Variants in SHISA9 observed in about 807,000 individuals in gnomAD.
The protein encoded by SHISA9 is protein shisa-9.
In SHISA9, 13 loss-of-function variants were observed where a neutral mutation model predicts 38.0. The observed-to-expected ratio is 0.34, with a 90% CI of 0.22 to 0.54. The LOEUF (loss-of-function observed/expected upper bound fraction) is 0.54, where lower values mean the gene tolerates loss of function less well. Among genes scored for constraint, SHISA9 ranks in the 20% least tolerant of loss-of-function variants. The pLI, the probability that SHISA9 is intolerant of heterozygous loss-of-function variation, is 0.91. For synonymous variants in SHISA9, 275 were observed against 242.0 expected (o/e 1.14, Z -1.27); for missense variants, 538 against 575.8 (o/e 0.93, Z 0.67).
At chr16:13,059,325 C>A (rs1166462180) in intron 2 of SHISA9, among the ~76,000 whole-genome samples, 5 of 152,152 alleles carry the variant, frequency 3.3e-5, no homozygotes, top group South Asian at 2.1e-4. Flanking sequence ...GACGGAGTTT[C>A]ACTGTGTTAG....
the SHISA9 span, among the ~76,000 whole-genome samples, chr16:13,524,437 A>G: frequency 6.6e-6 from 1 of 152,238 alleles, no homozygotes; most frequent in African/African-American, 2.4e-5. Context: ...GTAAGCAGCG[A>G]TTTCAAGACT....
intron 2 of SHISA9, chr16:13,082,626 G>A (rs4780502): frequency 0.053 from 8,027 of 152,226 alleles, 352 homozygotes; most frequent in Admixed American, 0.14. Context: ...GAACCAAGGG[G>A]AAGATCAGTC....
At chr16:13,143,490 C>A (rs2050420667) in intron 2 of SHISA9, among the ~76,000 whole-genome samples, 1 of 152,178 alleles carries the variant, frequency 6.6e-6, no homozygotes, top group African/African-American at 2.4e-5. Flanking sequence ...GCCAGTGGGT[C>A]AGCTGCATGG....
chr16:13,421,845 G>A, the SHISA9 span, among the ~76,000 whole-genome samples: 122 of 152,102 alleles, frequency 8.0e-4, no homozygotes, highest in African/African-American at 2.6e-3. Context: ...TTTCCCAAAC[G>A]AATCCCAGGT....
the SHISA9 span, among the ~76,000 whole-genome samples, chr16:13,467,961 C>A: frequency 6.6e-6 from 1 of 152,220 alleles, no homozygotes; most frequent in Non-Finnish European, 1.5e-5. Context: ...CGCTATCCTT[C>A]ATGGTGTTTT....
the SHISA9 span, among the ~76,000 whole-genome samples, chr16:13,387,453 G>C: frequency 6.6e-6 from 1 of 151,706 alleles, no homozygotes; most frequent in African/African-American, 2.4e-5. Context: ...GCTACTGGAA[G>C]CTGAAAGGAA....
At chr16:13,360,436 G>A in the SHISA9 span, among the ~76,000 whole-genome samples, 11 of 152,028 alleles carry the variant, frequency 7.2e-5, no homozygotes, top group East Asian at 1.9e-4. Context: ...TCATGGGGGC[G>A]GTTTCCCCCA....
chr16:12,916,287 T>G (rs1448581252), intron 1 of SHISA9, among the ~76,000 whole-genome samples: 1 of 152,244 alleles, frequency 6.6e-6, no homozygotes, highest in Non-Finnish European at 1.5e-5. Flanking sequence ...TTATGGCAAA[T>G]ACTCAATAAA....
chr16:13,279,225 C>A, the SHISA9 span, among the ~76,000 whole-genome samples: 5 of 152,002 alleles, frequency 3.3e-5, no homozygotes, highest in East Asian at 9.7e-4. Flanking sequence ...GAGTTGATTT[C>A]CAGTTTTATT....
At chr16:13,029,759 C>G (rs540190445) in intron 2 of SHISA9, among the ~76,000 whole-genome samples, 14 of 152,298 alleles carry the variant, frequency 9.2e-5, no homozygotes, top group African/African-American at 3.4e-4. Flanking sequence ...AACAATTGAA[C>G]CCATCTCTCT....
the SHISA9 span, among the ~76,000 whole-genome samples, chr16:13,345,928 G>A: frequency 8.0e-4 from 121 of 150,880 alleles, no homozygotes; most frequent in Middle Eastern, 3.4e-3. Flanking sequence ...CAGGTCCTTC[G>A]CCCAATTCTT....
At chr16:13,366,089 G>T in the SHISA9 span, among the ~76,000 whole-genome samples, 4 of 152,260 alleles carry the variant, frequency 2.6e-5, no homozygotes, top group Non-Finnish European at 4.4e-5. Context: ...TTATATCACT[G>T]TGGACCCAGA....
chr16:12,930,828 G>A (rs1002536496), intron 2 of SHISA9, among the ~76,000 whole-genome samples: 1 of 152,024 alleles, frequency 6.6e-6, no homozygotes, highest in Admixed American at 6.6e-5. Context: ...AAAACACAGA[G>A]AGAGGAAGTG....
chr16:13,016,345 C>G (rs1293212972), intron 2 of SHISA9, among the ~76,000 whole-genome samples: 1 of 152,088 alleles, frequency 6.6e-6, no homozygotes, highest in African/African-American at 2.4e-5. Flanking sequence ...GGAAAGTAGT[C>G]CTCATTCCTA....
chr16:13,546,574 A>G, the SHISA9 span, among the ~76,000 whole-genome samples: 6 of 152,336 alleles, frequency 3.9e-5, no homozygotes, highest in East Asian at 1.2e-3. Flanking sequence ...GACGTAAAGT[A>G]GCTAAATGGA....
chr16:13,183,478 C>A (rs1028878326), intron 2 of SHISA9, among the ~76,000 whole-genome samples: 1 of 152,262 alleles, frequency 6.6e-6, no homozygotes, highest in Non-Finnish European at 1.5e-5. Context: ...CGTAAGGTTC[C>A]TTAAAAGGCA....
At chr16:13,260,453 G>C in the SHISA9 span, among the ~76,000 whole-genome samples, 2 of 152,104 alleles carry the variant, frequency 1.3e-5, no homozygotes, top group Non-Finnish European at 2.9e-5. Context: ...TTTCTTCCCT[G>C]AGATACCCAA....
In SHISA9 at chr16:12,950,838, G is replaced by T. The variant is rs188990222; in HGVS notation, c.691+34023G>T. Among the ~76,000 whole-genome samples, 24 of 151,366 alleles carry T rather than the reference G, an allele frequency of 1.6e-4. No homozygotes were observed. In the East Asian group the frequency reaches 3.9e-3, roughly 25 times the overall value. On this transcript the variant is annotated intron_variant, in intron 2 of 4. Transcript: ENST00000558583. ...TTGGCCAGGATGATCTTGATCTCCT[G>T]ACCTTGTGATCCACCCACCTCAGCC... is the stretch of plus-strand genomic sequence containing the variant.
the SHISA9 span, among the ~76,000 whole-genome samples, chr16:13,447,496 A>G: frequency 2.0e-5 from 3 of 152,222 alleles, no homozygotes; most frequent in Non-Finnish European, 4.4e-5. Flanking sequence ...TGCGGGGCAG[A>G]CAGGGACAGA....
Sources: allele counts gnomAD v4.1 joint callset (sites outside exome capture counted in the v4.1 genomes callset), GRCh38; gene constraint gnomAD v4.1.1; transcripts MANE v1.5; gene names NCBI Gene and HGNC (gene_info 2026-07-23, HGNC 2026-07-21).